Variants in FOCAD observed in about 807,000 individuals in gnomAD.
The protein encoded by FOCAD is KIAA1797.
A neutral mutation model predicts 225.6 loss-of-function variants in FOCAD; 198 were observed. The observed-to-expected ratio is 0.88, with a 90% CI of 0.78 to 0.99. The LOEUF is 0.99. FOCAD is among the 50% of genes least tolerant of loss of function. The pLI, the probability that FOCAD is intolerant of heterozygous loss-of-function variation, is 0.00. For synonymous variants in FOCAD, 897 were observed against 755.0 expected (o/e 1.19, Z -3.08); for missense variants, 2,713 against 2,123.6 (o/e 1.28, Z -5.46).
intron 1 of FOCAD, among the ~76,000 whole-genome samples, chr9:20,693,922 G>A (rs928632957): frequency 6.6e-6 from 1 of 152,162 alleles, no homozygotes; most frequent in African/African-American, 2.4e-5. Flanking sequence ...TGTTGGCCAG[G>A]CCAGTCTCGA....
At chr9:20,759,853 C>A (rs1357836692) in intron 6 of FOCAD, among the ~76,000 whole-genome samples, 1 of 152,214 alleles carries the variant, frequency 6.6e-6, no homozygotes, top group Non-Finnish European at 1.5e-5. Context: ...ATAAGTTCTT[C>A]CCCTTGGACA....
intron 5 of FOCAD, among the ~76,000 whole-genome samples, chr9:20,752,885 A>G (rs1828698335): frequency 6.6e-6 from 1 of 151,288 alleles, no homozygotes; most frequent in South Asian, 2.1e-4. Context: ...ATCCCTTGTA[A>G]GCTGGATTCC....
At chr9:20,984,206 T>C (rs1034914317) in intron 39 of FOCAD, among the ~76,000 whole-genome samples, 1 of 152,220 alleles carries the variant, frequency 6.6e-6, no homozygotes, top group Non-Finnish European at 1.5e-5. Flanking sequence ...CTGCCACCTG[T>C]AGCTATGTGA....
intron 4 of FOCAD, among the ~76,000 whole-genome samples, chr9:20,737,389 C>G (rs901944001): frequency 6.6e-6 from 1 of 151,844 alleles, no homozygotes; most frequent in African/African-American, 2.4e-5. Flanking sequence ...GTTTCACATG[C>G]AAAAAAGGAT....
intron 21 of FOCAD, among the ~76,000 whole-genome samples, chr9:20,898,895 A>G (rs1051314819): frequency 6.6e-6 from 1 of 151,962 alleles, no homozygotes; most frequent in Non-Finnish European, 1.5e-5. Context: ...TAACCCTATA[A>G]TTAGGTCTCA....
chr9:20,749,758 G>A (rs1828375276), intron 5 of FOCAD, among the ~76,000 whole-genome samples: 1 of 152,166 alleles, frequency 6.6e-6, no homozygotes, highest in Non-Finnish European at 1.5e-5. Context: ...TCAAATCATA[G>A]CTTTCCTATA....
intron 5 of FOCAD, among the ~76,000 whole-genome samples, chr9:20,750,609 G>C (rs1011262208): frequency 2.6e-5 from 4 of 152,086 alleles, no homozygotes; most frequent in Non-Finnish European, 4.4e-5. Flanking sequence ...TATTGATCTT[G>C]ATATTTAGAA....
At chr9:20,857,192 T>C (rs898113657) in intron 15 of FOCAD, among the ~76,000 whole-genome samples, 3 of 152,146 alleles carry the variant, frequency 2.0e-5, no homozygotes, top group African/African-American at 7.2e-5. Context: ...GTGGACATTT[T>C]AACAATATTG....
At chr9:20,751,927 C>T (rs1587014904) in intron 5 of FOCAD, among the ~76,000 whole-genome samples, 1 of 144,144 alleles carries the variant, frequency 6.9e-6, no homozygotes, top group African/African-American at 2.5e-5. Flanking sequence ...AGCATTTTTT[C>T]ATGTGTTTTT....
At chr9:20,706,249 A>C (rs1824380284) in intron 1 of FOCAD, among the ~76,000 whole-genome samples, 1 of 151,816 alleles carries the variant, frequency 6.6e-6, no homozygotes, top group African/African-American at 2.4e-5. Context: ...TTGTAGTTTT[A>C]TTTTTTATTT....
At chr9:20,889,964 A>G (rs1831474663) in intron 21 of FOCAD, among the ~76,000 whole-genome samples, 1 of 152,078 alleles carries the variant, frequency 6.6e-6, no homozygotes, top group Non-Finnish European at 1.5e-5. Context: ...AAGTATTTTG[A>G]TGCTATTCAA....
chr9:20,694,198 A>G (rs1412110782), intron 1 of FOCAD, among the ~76,000 whole-genome samples: 2 of 152,242 alleles, frequency 1.3e-5, no homozygotes, highest in East Asian at 3.8e-4. Context: ...AAGCTGAAAC[A>G]GGTGAAAGGA....
chr9:20,947,199 C>T (rs902265579), intron 30 of FOCAD, among the ~76,000 whole-genome samples: 10 of 152,066 alleles, frequency 6.6e-5, no homozygotes, highest in African/African-American at 2.4e-4. Context: ...AGTCAAACTT[C>T]AGAAAATTCA....
chr9:20,900,022 C>T lies in FOCAD; in HGVS notation c.2626-7128C>T, dbSNP rs946798244. ...GCTTCTCCAAGCTCAAGTGGCGTTC[C>T]TCTTTTGTTCTTATGTATACCTACT... On this transcript the variant is annotated intron_variant, in intron 21 of 43. Coordinates refer to ENST00000338382, the MANE Select transcript of FOCAD (RefSeq NM_001375567.1). Among the ~76,000 whole-genome samples the T allele has an allele frequency of 2.8e-4, 42 of 151,902 alleles. 1 individual carries two copies. The highest frequency in any genetic ancestry group is 7.7e-4 in the African/African-American group (32 of 41,406).
At chr9:20,671,600 T>C (rs1012613531) in intron 2 of FOCAD, among the ~76,000 whole-genome samples, 1 of 112,132 alleles carries the variant, frequency 8.9e-6, no homozygotes, top group Admixed American at 1.0e-4. Context: ...TAGATTAGTA[T>C]GGTAACATGT....
At chr9:20,861,956 A>C (rs891981424) in intron 15 of FOCAD, among the ~76,000 whole-genome samples, 1 of 152,132 alleles carries the variant, frequency 6.6e-6, no homozygotes, top group Non-Finnish European at 1.5e-5. Flanking sequence ...TCAAGTTAGA[A>C]ATGATACAAC....
At position 20,958,475 on chromosome 9, in the gene FOCAD, T is replaced by C. The variant is rs995764566; in HGVS notation, c.4132+5410T>C. 2.6e-5 allele frequency among the ~76,000 whole-genome samples: 4 copies of C among 152,328 alleles called. No individual in the cohort carries two copies. In the East Asian group the frequency reaches 5.8e-4, roughly 22 times the overall value. The stretch of plus-strand genomic sequence containing the variant: ...AGAGATGTTCTGATGATATTATGTA[T>C]AGTGATCAGATCAGAGTAATTAGTG... On this transcript the variant is annotated intron_variant, in intron 35 of 43. Transcript: ENST00000338382.
At chr9:20,994,378 TG>T (rs1277029863) in intron 43 of FOCAD, among the ~76,000 whole-genome samples, 1 of 152,210 alleles carries the variant, frequency 6.6e-6, no homozygotes, top group Non-Finnish European at 1.5e-5. Flanking sequence ...TCTGGTGATC[TG>T]GGGGTCTGGA....
At chr9:20,793,550 C>G (rs1266252428) in intron 11 of FOCAD, among the ~76,000 whole-genome samples, 8 of 152,086 alleles carry the variant, frequency 5.3e-5, no homozygotes, top group Non-Finnish European at 2.9e-5. Context: ...TCAGTTCAAC[C>G]CCTACCACTG....
Sources: allele counts gnomAD v4.1 joint callset (sites outside exome capture counted in the v4.1 genomes callset), GRCh38; gene constraint gnomAD v4.1.1; transcripts MANE v1.5; gene names NCBI Gene and HGNC (gene_info 2026-07-23, HGNC 2026-07-21).